Variants in SAXO1 observed in about 807,000 individuals in gnomAD.
SAXO1 encodes the protein 4930500O09Rik.
SAXO1 carries 21 observed loss-of-function variants against 17.5 expected under a neutral mutation model. That is an observed-to-expected ratio of 1.20 (90% CI 0.85 to 1.72). SAXO1 has a LOEUF of 1.72. Ranked by LOEUF, SAXO1 falls within the 40% of genes most tolerant of loss-of-function variation. The pLI is 0.00. For synonymous variants in SAXO1, 274 were observed against 216.5 expected (o/e 1.27, Z -2.33); for missense variants, 843 against 596.0 (o/e 1.41, Z -4.32).
chr9:18,959,113 G>A (rs1027015599), intron 1 of SAXO1, among the ~76,000 whole-genome samples: 2 of 152,294 alleles, frequency 1.3e-5, no homozygotes, highest in South Asian at 4.1e-4. Context: ...GTGGGGACAA[G>A]GACTCAGTGC....
intron 1 of SAXO1, among the ~76,000 whole-genome samples, chr9:18,962,115 A>C (rs1488114223): frequency 6.6e-6 from 1 of 152,108 alleles, no homozygotes; most frequent in Non-Finnish European, 1.5e-5. Context: ...TTGCCCAAGC[A>C]GGAGTGTAAT....
rs1013500687 is a variant in SAXO1 at position 18,951,409 on chromosome 9, G to A, written c.39-472C>T. Among the ~76,000 whole-genome samples the A allele has an allele frequency of 9.9e-5, 15 of 152,098 alleles. 1 individual carries two copies. The highest frequency in any genetic ancestry group is 1.5e-5 in the Non-Finnish European group (1 of 68,028). ...ACTGGTTAGCTCCTGGGTCAACTCG[G>A]AATATCATCACTGTACACAAATGAC... On this transcript the variant is annotated intron_variant, in intron 1 of 3. Coordinates refer to ENST00000380534, the MANE Select transcript of SAXO1 (RefSeq NM_153707.4).
intron 1 of SAXO1, among the ~76,000 whole-genome samples, chr9:18,986,315 T>C (rs1833591789): frequency 6.6e-6 from 1 of 152,258 alleles, no homozygotes; most frequent in African/African-American, 2.4e-5. Flanking sequence ...CAAAATGTTT[T>C]AGCCCCTGGG....
chr9:18,977,570 G>A (rs772093027), intron 1 of SAXO1, among the ~76,000 whole-genome samples: 32 of 152,150 alleles, frequency 2.1e-4, no homozygotes, highest in Non-Finnish European at 3.2e-4. Context: ...TAAAGTTCAT[G>A]TTTGTTTTCC....
chr9:19,040,699 A>G (rs1187523331), intron 1 of SAXO1, among the ~76,000 whole-genome samples: 1 of 152,154 alleles, frequency 6.6e-6, no homozygotes, highest in African/African-American at 2.4e-5. Context: ...ATAAAACTAT[A>G]TATTATACAA....
chr9:18,961,083 A>G (rs1438767161), intron 1 of SAXO1, among the ~76,000 whole-genome samples: 1 of 152,188 alleles, frequency 6.6e-6, no homozygotes, highest in East Asian at 1.9e-4. Flanking sequence ...AAAAAAGAAC[A>G]ATTATTGAAC....
intron 2 of SAXO1, among the ~76,000 whole-genome samples, chr9:18,948,938 A>T (rs1301908252): frequency 1.3e-5 from 2 of 152,180 alleles, no homozygotes; most frequent in Non-Finnish European, 2.9e-5. Context: ...ACCCCTCAGT[A>T]CTACTCTCAC....
chr9:19,024,563 T>A (rs1037947317), intron 1 of SAXO1, among the ~76,000 whole-genome samples: 1 of 152,092 alleles, frequency 6.6e-6, no homozygotes, highest in African/African-American at 2.4e-5. Context: ...CTGCACGTTG[T>A]GCACATGTAC....
intron 1 of SAXO1, among the ~76,000 whole-genome samples, chr9:18,967,555 C>T (rs1207683011): frequency 6.6e-6 from 1 of 152,184 alleles, no homozygotes; most frequent in Admixed American, 6.5e-5. Flanking sequence ...AAGGGGAAAA[C>T]TACGTACTCA....
At chr9:18,982,480 C>A (rs942180700) in intron 1 of SAXO1, among the ~76,000 whole-genome samples, 4 of 152,146 alleles carry the variant, frequency 2.6e-5, no homozygotes, top group African/African-American at 9.7e-5. Context: ...ACACACAAAA[C>A]AAAAGGACCC....
At chr9:18,956,560 G>A (rs1198154622) in intron 1 of SAXO1, among the ~76,000 whole-genome samples, 1 of 152,122 alleles carries the variant, frequency 6.6e-6, no homozygotes, top group East Asian at 1.9e-4. Flanking sequence ...AGTGGAAAGG[G>A]GCTCAGAGGC....
At chr9:19,027,922 C>A in intron 1 of SAXO1, 1 of 1,405,014 alleles carries the variant, frequency 7.1e-7, no homozygotes. Context: ...CAGATCCACT[C>A]CCAAAAGATG....
chr9:18,927,961 A>T lies in SAXO1; in HGVS notation c.*91T>A. The T allele has an allele frequency of 3.5e-6, 5 of 1,412,632 alleles. No individual in the cohort carries two copies. The highest frequency in any genetic ancestry group is 1.9e-6 in the Non-Finnish European group (2 of 1,059,226). The allele number at this position is 1,412,632 out of a possible 1,614,324, so 87.5% of individuals were successfully genotyped here. On this transcript the variant is annotated 3_prime_UTR_variant, in exon 4 of 4. Transcript: ENST00000380534. The stretch of plus-strand genomic sequence containing the variant: ...GGTTTTTTGTTTTTTGTTTTTTGTC[A>T]TTTTAGGGAATTCTTTTTTGTCCAA...
At chr9:19,035,346 C>T (rs1835909422), upstream of SAXO1, among the ~76,000 whole-genome samples, 1 of 152,164 alleles carries the variant, frequency 6.6e-6, no homozygotes, top group African/African-American at 2.4e-5. Flanking sequence ...CTCTTGCCAC[C>T]CGCCATGTAG....
intron 1 of SAXO1, among the ~76,000 whole-genome samples, chr9:18,984,713 C>A (rs1032286307): frequency 3.4e-4 from 52 of 152,282 alleles, no homozygotes; most frequent in Non-Finnish European, 6.2e-4. Context: ...GCTGCTAAAA[C>A]TTTCTCCATA....
intron 3 of SAXO1, among the ~76,000 whole-genome samples, chr9:18,931,789 G>T (rs1360815135): frequency 6.6e-6 from 1 of 152,174 alleles, no homozygotes; most frequent in East Asian, 1.9e-4. Context: ...GAGTATCTCT[G>T]CATGCACTTA....
At chr9:18,957,396 C>T (rs890071175) in intron 1 of SAXO1, among the ~76,000 whole-genome samples, 2 of 152,168 alleles carry the variant, frequency 1.3e-5, no homozygotes, top group African/African-American at 4.8e-5. Context: ...GAGTTACTTC[C>T]CAAGGTAACA....
At chr9:18,977,399 T>C (rs60698235) in intron 1 of SAXO1, among the ~76,000 whole-genome samples, 4,049 of 152,276 alleles carry the variant, frequency 0.027, 169 homozygotes, top group African/African-American at 0.09. Context: ...TTAACTTATT[T>C]CATCTTCATT....
At chr9:18,967,734 C>G (rs1413105666) in intron 1 of SAXO1, among the ~76,000 whole-genome samples, 1 of 152,062 alleles carries the variant, frequency 6.6e-6, no homozygotes, top group Non-Finnish European at 1.5e-5. Flanking sequence ...GGCTTCAGCC[C>G]CCTTTCCACG....
Sources: allele counts gnomAD v4.1 joint callset (sites outside exome capture counted in the v4.1 genomes callset), GRCh38; gene constraint gnomAD v4.1.1; transcripts MANE v1.5; gene names NCBI Gene and HGNC (gene_info 2026-07-23, HGNC 2026-07-21).